The following BNC2 variants were observed in gnomAD, a reference collection of about 807,000 sequenced individuals.
BNC2 encodes the protein zinc finger protein basonuclin-2.
BNC2 carries 20 observed loss-of-function variants against 76.3 expected under a neutral mutation model. That is an observed-to-expected ratio of 0.26 (90% CI 0.18 to 0.38). The LOEUF is 0.38. Among genes scored for constraint, BNC2 ranks in the 10% least tolerant of loss-of-function variants. BNC2 has a pLI of 1.00. For missense variants in BNC2, 1,382 were observed against 1,399.8 expected, an observed-to-expected ratio of 0.99 and a Z score of 0.20; for synonymous variants, 582 against 514.8, an observed-to-expected ratio of 1.13 and a Z score of -1.77.
intron 1 of BNC2, among the ~76,000 whole-genome samples, chr9:16,759,897 G>C (rs1194574722): frequency 1.3e-5 from 2 of 151,968 alleles, no homozygotes; most frequent in African/African-American, 2.4e-5. Context: ...CTAATTTTTT[G>C]TATTTTCAGT....
In BNC2 at chr9:16,483,424, T is replaced by G. The variant is rs533277587; in HGVS notation, c.670-45900A>C. Among the ~76,000 whole-genome samples, 6 of 152,326 alleles carry G rather than the reference T, an allele frequency of 3.9e-5. 1 individual carries two copies. The highest frequency in any genetic ancestry group is 3.9e-4 in the Admixed American group (6 of 15,292). On this transcript the variant is annotated intron_variant, in intron 5 of 6. Transcript: ENST00000380672. ...AAAGCTATGTGGTTTTGGCTGCAGG[T>G]GGGCAATCCAGTCCTTAAGCAGATG...
intron 3 of BNC2, among the ~76,000 whole-genome samples, chr9:16,634,333 C>T (rs1319773411): frequency 1.3e-5 from 2 of 152,078 alleles, no homozygotes; most frequent in African/African-American, 4.8e-5. Flanking sequence ...TTGAAAGTAT[C>T]ACCAACAGCT....
intron 6 of BNC2, among the ~76,000 whole-genome samples, chr9:16,432,000 G>T (rs1820918871): frequency 6.6e-6 from 1 of 152,198 alleles, no homozygotes; most frequent in African/African-American, 2.4e-5. Flanking sequence ...CAGCCCCGGG[G>T]TTGGGGACCC....
At chr9:16,566,777 C>T (rs763241170) in intron 4 of BNC2, among the ~76,000 whole-genome samples, 5 of 152,112 alleles carry the variant, frequency 3.3e-5, no homozygotes, top group Admixed American at 6.5e-5. Context: ...AGAGAATAGT[C>T]ACACAGTAAG....
In BNC2 at chr9:16,480,375, G is replaced by A. The variant is rs372082428; in HGVS notation, c.670-42851C>T. On this transcript the variant is annotated intron_variant, in intron 5 of 6. Coordinates refer to ENST00000380672, the MANE Select transcript of BNC2 (RefSeq NM_017637.6). Reference sequence around the variant, plus strand: ...GTCCTCACAGCCCTCGCTCACTCTCGGCGCCTCCTCTGCCTGGGCTCCCAC... The same window carrying A: ...GTCCTCACAGCCCTCGCTCACTCTCAGCGCCTCCTCTGCCTGGGCTCCCAC... 1.4e-3 allele frequency among the ~76,000 whole-genome samples: 220 copies of A among 152,296 alleles called. 1 individual carries two copies. The highest frequency in any genetic ancestry group is 5.1e-3 in the African/African-American group (213 of 41,572).
chr9:16,584,796 T>A (rs555198294), intron 3 of BNC2, among the ~76,000 whole-genome samples: 1 of 152,260 alleles, frequency 6.6e-6, no homozygotes, highest in Non-Finnish European at 1.5e-5. Flanking sequence ...GTTAATGAAC[T>A]CAAAACTTGA....
intron 1 of BNC2, chr9:16,867,269 A>AGT (rs1819564946): frequency 1.3e-5 from 2 of 152,226 alleles, no homozygotes; most frequent in Non-Finnish European, 2.9e-5. Context: ...TATATAAAAC[A>AGT]AAGATGCTAA....
chr9:16,542,691 C>T (rs977230052), intron 5 of BNC2, among the ~76,000 whole-genome samples: 20 of 152,218 alleles, frequency 1.3e-4, no homozygotes, highest in African/African-American at 4.6e-4. Context: ...CCTAACCATG[C>T]ATGGTCACTC....
At chr9:16,638,165 C>G (rs1821382952) in intron 3 of BNC2, among the ~76,000 whole-genome samples, 1 of 152,156 alleles carries the variant, frequency 6.6e-6, no homozygotes, top group African/African-American at 2.4e-5. Context: ...TTTCCACTGC[C>G]TCGTGGTTTC....
chr9:16,558,933 CA>C (rs574756487), intron 4 of BNC2, among the ~76,000 whole-genome samples: 1,860 of 81,174 alleles, frequency 0.023, 9 homozygotes, highest in Middle Eastern at 0.031. Context: ...GACTCCGTCT[CA>C]AAAAAAAAAA....
intron 3 of BNC2, among the ~76,000 whole-genome samples, chr9:16,629,113 A>C (rs1821085231): frequency 1.3e-5 from 2 of 152,216 alleles, no homozygotes; most frequent in South Asian, 4.1e-4. Flanking sequence ...AGTGTTTCAC[A>C]TACAGAGAAG....
At chr9:16,758,062 T>C (rs954029164) in intron 1 of BNC2, among the ~76,000 whole-genome samples, 6 of 152,300 alleles carry the variant, frequency 3.9e-5, no homozygotes, top group South Asian at 2.1e-4. Flanking sequence ...AGGGCTGCCA[T>C]CCATTTAAGA....
intron 1 of BNC2, among the ~76,000 whole-genome samples, chr9:16,747,740 A>G (rs1357523870): frequency 6.6e-6 from 1 of 152,214 alleles, no homozygotes; most frequent in Non-Finnish European, 1.5e-5. Context: ...TTTAAGCAGG[A>G]CATATCTTTC....
chr9:16,575,528 T>C (rs1819459079), intron 4 of BNC2: 4 of 759,012 alleles, frequency 5.3e-6, no homozygotes, highest in Non-Finnish European at 4.8e-6. Flanking sequence ...ATCCAAAAAG[T>C]GTGCAGGCTG....
chr9:16,794,324 C>T (rs541717986), intron 1 of BNC2, among the ~76,000 whole-genome samples: 1 of 152,232 alleles, frequency 6.6e-6, no homozygotes, highest in East Asian at 1.9e-4. Context: ...CAATCACTGC[C>T]GAGGGGAATG....
At chr9:16,623,327 C>A (rs765039541) in intron 3 of BNC2, among the ~76,000 whole-genome samples, 1 of 152,010 alleles carries the variant, frequency 6.6e-6, no homozygotes, top group Non-Finnish European at 1.5e-5. Flanking sequence ...CCTGTCATGA[C>A]GTGTTTAAAA....
chr9:16,781,667 A>C (rs1165441603), intron 1 of BNC2, among the ~76,000 whole-genome samples: 1 of 152,250 alleles, frequency 6.6e-6, no homozygotes, highest in African/African-American at 2.4e-5. Flanking sequence ...TTCGTGGCAG[A>C]ATTTTTAAAA....
At chr9:16,740,426 T>C (rs991894475) in intron 1 of BNC2, among the ~76,000 whole-genome samples, 2 of 152,208 alleles carry the variant, frequency 1.3e-5, no homozygotes, top group African/African-American at 4.8e-5. Flanking sequence ...CTCGGGTCAA[T>C]GAGTGTTCAA....
At chr9:16,557,445 G>T (rs1207122707) in intron 4 of BNC2, among the ~76,000 whole-genome samples, 1 of 151,892 alleles carries the variant, frequency 6.6e-6, no homozygotes, top group Non-Finnish European at 1.5e-5. Flanking sequence ...GTTGCAGTGA[G>T]CTGAGATCGT....
Sources: gnomAD v4.1 joint callset for allele counts (sites outside exome capture counted in the v4.1 genomes callset) on GRCh38, gnomAD v4.1.1 for gene constraint, MANE v1.5 for transcripts, NCBI Gene and HGNC (gene_info 2026-07-23, HGNC 2026-07-21) for gene names.